The following PVT1 variants were observed in gnomAD, a reference collection of about 807,000 sequenced individuals.
PVT1 encodes CXCR4/PVT1 fusion.
At chr8:127,893,436 C>G (rs565767435) in intron 3 of PVT1, among the ~76,000 whole-genome samples, 2 of 152,268 alleles carry the variant, frequency 1.3e-5, no homozygotes, top group South Asian at 4.1e-4. Flanking sequence ...GCCACCATGC[C>G]TGGCTAATTT....
chr8:128,056,429 T>C (rs1586500878), intron 4 of PVT1, among the ~76,000 whole-genome samples: 1 of 152,246 alleles, frequency 6.6e-6, no homozygotes, highest in East Asian at 1.9e-4. Context: ...ATACAATATA[T>C]ATTCATTGCG....
At chr8:127,917,342 G>C (rs1295903359) in intron 3 of PVT1, among the ~76,000 whole-genome samples, 2 of 152,182 alleles carry the variant, frequency 1.3e-5, no homozygotes, top group Admixed American at 6.5e-5. Flanking sequence ...GATAGATACT[G>C]GAATAGAAGG....
intron 2 of PVT1, among the ~76,000 whole-genome samples, chr8:127,820,984 C>T (rs1462450824): frequency 1.3e-5 from 2 of 152,164 alleles, no homozygotes; most frequent in Non-Finnish European, 2.9e-5. Context: ...GTTGGGATTA[C>T]AGACATGAGC....
intron 2 of PVT1, among the ~76,000 whole-genome samples, chr8:127,859,850 A>AGGCCCTTGGCC (rs1462037889): frequency 1.3e-5 from 2 of 151,888 alleles, no homozygotes; most frequent in African/African-American, 4.8e-5. Context: ...TCATGCACGG[A>AGGCCCTTGGCC]GGCCCTTGGC....
chr8:128,031,383 G>A (rs1356006554), intron 4 of PVT1, among the ~76,000 whole-genome samples: 1 of 152,220 alleles, frequency 6.6e-6, no homozygotes, highest in Non-Finnish European at 1.5e-5. Context: ...AAACTGCCAG[G>A]GAGCTTATCA....
intron 3 of PVT1, among the ~76,000 whole-genome samples, chr8:127,934,592 T>A (rs1816249116): frequency 6.6e-6 from 1 of 152,218 alleles, no homozygotes; most frequent in African/African-American, 2.4e-5. Flanking sequence ...AATGGGTACA[T>A]TTCTCCCAAT....
At chr8:127,900,162 CTCCTG>C (rs932017208) in intron 3 of PVT1, among the ~76,000 whole-genome samples, 3 of 152,158 alleles carry the variant, frequency 2.0e-5, no homozygotes, top group Admixed American at 1.3e-4. Flanking sequence ...CTGCCTCAGC[CTCCTG>C]AGTAGCTGGG....
At chr8:127,804,696 A>C (rs918263837) in intron 2 of PVT1, among the ~76,000 whole-genome samples, 2 of 146,538 alleles carry the variant, frequency 1.4e-5, no homozygotes, top group Admixed American at 6.8e-5. Context: ...GCCCGGCTAA[A>C]TTTTTTTTCT....
Position 127,859,603 on chromosome 8 carries a change from C to T in PVT1, n.373-30986C>T, listed in dbSNP as rs556501427. Among the ~76,000 whole-genome samples, 7 of 152,220 alleles carry T rather than the reference C, an allele frequency of 4.6e-5. No homozygotes were observed. The South Asian group carries it at 6.2e-4, about 14-fold the overall frequency. ...AACTATTCACACAGGTCTGACTCCC[C>T]GCCAGAGTCCTGGCTGCCCTGGTCC... On this transcript the variant is annotated intron_variant and non_coding_transcript_variant, in intron 2 of 10. Coordinates refer to ENST00000651587, the Ensembl canonical transcript of PVT1.
At chr8:127,964,333 G>C (rs1335353323) in intron 3 of PVT1, among the ~76,000 whole-genome samples, 1 of 152,188 alleles carries the variant, frequency 6.6e-6, no homozygotes, top group East Asian at 1.9e-4. Context: ...GTCTTGTGGT[G>C]GCCCATTCTC....
chr8:127,986,086 A>C (rs530954669), intron 3 of PVT1, among the ~76,000 whole-genome samples: 1 of 152,322 alleles, frequency 6.6e-6, no homozygotes, highest in East Asian at 1.9e-4. Flanking sequence ...TACATGTAGG[A>C]CTGCCTCCCC....
intron 3 of PVT1, among the ~76,000 whole-genome samples, chr8:127,903,676 T>C (rs1815786259): frequency 6.6e-6 from 1 of 152,254 alleles, no homozygotes; most frequent in African/African-American, 2.4e-5. Context: ...ATTTATTGAA[T>C]AGGAAGTCTT....
chr8:128,086,024 G>C (rs1268406305), intron 5 of PVT1, among the ~76,000 whole-genome samples: 1 of 152,238 alleles, frequency 6.6e-6, no homozygotes, highest in Non-Finnish European at 1.5e-5. Flanking sequence ...CGAATGGTTA[G>C]AATTCAAATG....
intron 3 of PVT1, among the ~76,000 whole-genome samples, chr8:127,982,685 A>C (rs4733810): frequency 7.0e-6 from 1 of 142,178 alleles, no homozygotes; most frequent in Admixed American, 6.8e-5. Context: ...TTAATAAAAT[A>C]AATGAATCAA....
At chr8:127,848,571 T>G (rs1204460199) in intron 2 of PVT1, among the ~76,000 whole-genome samples, 1 of 152,008 alleles carries the variant, frequency 6.6e-6, no homozygotes, top group African/African-American at 2.4e-5. Context: ...TAATCCCAGC[T>G]ACTTGGGAGG....
intron 3 of PVT1, among the ~76,000 whole-genome samples, chr8:127,946,152 G>A (rs1816417621): frequency 6.6e-6 from 1 of 152,202 alleles, no homozygotes; most frequent in Non-Finnish European, 1.5e-5. Context: ...CCAAGGCAGG[G>A]AACTTAGGGC....
rs1403113855 is a variant in PVT1 at position 128,045,063 on chromosome 8, T to C, written n.913-25097T>C. ...TGCTTCCTGGAGTCTTATCCCCTCT[T>C]GTCAGATTCAGGTTTAGGACAACGG... On this transcript the variant is annotated intron_variant and non_coding_transcript_variant, in intron 4 of 10. Coordinates refer to ENST00000651587, the Ensembl canonical transcript of PVT1. Among the ~76,000 whole-genome samples the C allele has an allele frequency of 2.0e-5, 3 of 152,226 alleles. No individual in the cohort carries two copies. The East Asian group carries it at 5.8e-4, about 29-fold the overall frequency.
At chr8:128,006,965 G>A (rs973146237) in intron 4 of PVT1, among the ~76,000 whole-genome samples, 3 of 152,202 alleles carry the variant, frequency 2.0e-5, no homozygotes, top group Non-Finnish European at 2.9e-5. Flanking sequence ...CCTGGAATCA[G>A]CCATTGCTGC....
intron 3 of PVT1, among the ~76,000 whole-genome samples, chr8:127,901,289 C>T (rs1412911305): frequency 6.6e-6 from 1 of 152,108 alleles, no homozygotes; most frequent in African/African-American, 2.4e-5. Flanking sequence ...CTGGCCCTCA[C>T]TCACTGAGGG....
Sources: allele counts gnomAD v4.1 joint callset (sites outside exome capture counted in the v4.1 genomes callset), GRCh38; gene constraint gnomAD v4.1.1; transcripts MANE v1.5; gene names NCBI Gene and HGNC (gene_info 2026-07-23, HGNC 2026-07-21).